ADGB: variants seen among roughly 807,000 people sequenced by gnomAD.
ADGB encodes the protein calpain-7-like protein.
In ADGB, 172 loss-of-function variants were observed where a neutral mutation model predicts 210.5. That is an observed-to-expected ratio of 0.82 (90% CI 0.72 to 0.93). ADGB has a LOEUF of 0.93. Ranked by LOEUF, ADGB falls within the 40% of genes least tolerant of loss-of-function variation. ADGB has a pLI of 0.00. For synonymous variants in ADGB, 658 were observed against 662.7 expected (o/e 0.99, Z 0.11); for missense variants, 2,025 against 1,964.8 (o/e 1.03, Z -0.58).
chr6:146,654,507 C>T (rs1440540012), intron 4 of ADGB, among the ~76,000 whole-genome samples: 1 of 151,980 alleles, frequency 6.6e-6, no homozygotes. Flanking sequence ...GATGTGCCAT[C>T]TCCCCCAGCT....
In ADGB at chr6:146,781,430, G is replaced by C. The variant is rs1283623209; in HGVS notation, c.3863-590G>C. Among the ~76,000 whole-genome samples, 5 of 148,650 alleles carry C rather than the reference G, an allele frequency of 3.4e-5. No individual in the cohort carries two copies. The East Asian group carries it at 9.9e-4, about 29-fold the overall frequency. ...ATACTCTCTTAACCAATGGAACAGA[G>C]AAGAAATCACAAGAGAAATTAAGAA... is the stretch of plus-strand genomic sequence containing the variant. On this transcript the variant is annotated intron_variant, in intron 29 of 35. Transcript: ENST00000397944.
intron 12 of ADGB, among the ~76,000 whole-genome samples, chr6:146,700,081 C>T (rs896808978): frequency 1.4e-4 from 21 of 152,208 alleles, no homozygotes; most frequent in Non-Finnish European, 2.9e-4. Flanking sequence ...TTTCATCCTA[C>T]GTGATAGACA....
chr6:146,802,777 T>G, intron 35 of ADGB: 1 of 1,602,926 alleles, frequency 6.2e-7, no homozygotes, highest in Middle Eastern at 2.3e-4. Context: ...CCAAATCCTC[T>G]TTAGTAGATG....
intron 35 of ADGB, among the ~76,000 whole-genome samples, chr6:146,808,622 T>A (rs1778249365): frequency 6.6e-6 from 1 of 152,240 alleles, no homozygotes. Flanking sequence ...CATAGTATTT[T>A]TTAACCAGTG....
intron 1 of ADGB, among the ~76,000 whole-genome samples, chr6:146,616,196 G>A (rs1182386485): frequency 6.6e-6 from 1 of 150,670 alleles, no homozygotes; most frequent in East Asian, 1.9e-4. Context: ...TATGCCTGTT[G>A]GCCATTTGTA....
chr6:146,787,622 T>C (rs557379978), intron 32 of ADGB, among the ~76,000 whole-genome samples: 22 of 151,398 alleles, frequency 1.5e-4, no homozygotes, highest in African/African-American at 4.4e-4. Context: ...ATCTGCCTCT[T>C]ATTTCAACAT....
At chr6:146,763,275 T>C (rs983165238) in intron 27 of ADGB, among the ~76,000 whole-genome samples, 2 of 152,194 alleles carry the variant, frequency 1.3e-5, no homozygotes, top group African/African-American at 2.4e-5. Flanking sequence ...TTTATCATTT[T>C]TTGTGGTACG....
At chr6:146,670,682 C>A (rs1775993933) in intron 7 of ADGB, among the ~76,000 whole-genome samples, 1 of 152,120 alleles carries the variant, frequency 6.6e-6, no homozygotes. Context: ...TTTATCCAAC[C>A]ATTGGATGTA....
intron 20 of ADGB, among the ~76,000 whole-genome samples, chr6:146,729,003 T>TG (rs1437360849): frequency 1.3e-5 from 2 of 152,202 alleles, no homozygotes; most frequent in African/African-American, 2.4e-5. Context: ...AGGAACTATG[T>TG]GGGACATCCC....
chr6:146,636,095 T>C (rs555830734), intron 2 of ADGB, among the ~76,000 whole-genome samples: 1 of 152,204 alleles, frequency 6.6e-6, no homozygotes, highest in East Asian at 1.9e-4. Flanking sequence ...ATTTTCCAAT[T>C]ATATTACTTT....
chr6:146,745,276 A>G lies in ADGB; in HGVS notation c.3178-646A>G, dbSNP rs1364484967. Among the ~76,000 whole-genome samples, 3 of 152,136 alleles carry G rather than the reference A, an allele frequency of 2.0e-5. No homozygotes were observed. The East Asian group carries it at 5.8e-4, about 29-fold the overall frequency. ...TCTCAGAATTACTTTGAACATTTGC[A>G]TCTATTATGATATCATGCTTTTGAT... On this transcript the variant is annotated intron_variant, in intron 25 of 35. Transcript: ENST00000397944.
intron 35 of ADGB, among the ~76,000 whole-genome samples, chr6:146,809,121 G>A (rs1319411921): frequency 1.3e-5 from 2 of 152,006 alleles, no homozygotes; most frequent in Non-Finnish European, 2.9e-5. Context: ...ATGGGAATAG[G>A]AGCCTAGGAG....
At chr6:146,798,876 TCAC>T (rs1778082662) in intron 33 of ADGB, among the ~76,000 whole-genome samples, 1 of 151,762 alleles carries the variant, frequency 6.6e-6, no homozygotes, top group African/African-American at 2.4e-5. Context: ...CTACAAAACA[TCAC>T]CAAAGGAAAT....
At chr6:146,806,097 TTTAGA>T (rs1281081516) in intron 35 of ADGB, among the ~76,000 whole-genome samples, 1 of 152,166 alleles carries the variant, frequency 6.6e-6, no homozygotes, top group African/African-American at 2.4e-5. Context: ...TGGGAAATAA[TTTAGA>T]TTAGATTAGA....
At chr6:146,801,130 A>G in intron 33 of ADGB, 53 bp from the exon 34 acceptor site, 1 of 977,532 alleles carries the variant, frequency 1.0e-6, no homozygotes, top group Non-Finnish European at 1.5e-6. Context: ...TTGGTTAGTC[A>G]TTATTATTTT....
intron 7 of ADGB, among the ~76,000 whole-genome samples, chr6:146,670,781 A>G (rs2114901041): frequency 6.6e-6 from 1 of 152,320 alleles, no homozygotes; most frequent in South Asian, 2.1e-4. Flanking sequence ...TGACTGGGAT[A>G]CAGTATGTGC....
At chr6:146,705,204 G>T (rs952601851) in intron 13 of ADGB, among the ~76,000 whole-genome samples, 3 of 151,914 alleles carry the variant, frequency 2.0e-5, no homozygotes, top group Non-Finnish European at 4.4e-5. Flanking sequence ...GTTTTAAGGG[G>T]TTCTATATAT....
chr6:146,724,238 G>A lies in ADGB; in HGVS notation c.2148G>A (p.Thr716=), dbSNP rs555775695. 1.4e-5 allele frequency: 22 copies of A among 1,550,978 alleles called. No homozygotes were observed. The highest frequency in any genetic ancestry group is 6.0e-5 in the South Asian group (5 of 83,860). Residue 716 remains threonine, a synonymous_variant, in exon 18 of 36, where the codon ACG becomes ACA. Coordinates refer to ENST00000397944, the MANE Select transcript of ADGB (RefSeq NM_024694.4). ...PIEPGLLTAE[T]FSWKSLKPGS... The stretch of plus-strand genomic sequence containing the variant: ...AGCCTGGACTTCTCACAGCTGAAAC[G>A]TTTTCTTGGAAATCCCTGAAACCAG...
intron 13 of ADGB, among the ~76,000 whole-genome samples, chr6:146,713,231 C>T (rs536920126): frequency 6.6e-6 from 1 of 152,238 alleles, no homozygotes; most frequent in East Asian, 1.9e-4. Flanking sequence ...GGGTGTACAC[C>T]TATCTCCTTG....
Sources: allele counts gnomAD v4.1 joint callset (sites outside exome capture counted in the v4.1 genomes callset), GRCh38; gene constraint gnomAD v4.1.1; transcripts MANE v1.5; gene names NCBI Gene and HGNC (gene_info 2026-07-23, HGNC 2026-07-21).